Variants in NOTCH2NLA observed in about 807,000 individuals in gnomAD.
The protein encoded by NOTCH2NLA is notch homolog 2 N-terminal-like protein A.
In NOTCH2NLA at chr1:146,180,319, A is replaced by G. The variant is rs79778370; in HGVS notation, c.38+8981T>C. On this transcript the variant is annotated intron_variant, in intron 2 of 4. Coordinates refer to ENST00000362074, the Ensembl canonical transcript of NOTCH2NLA. ...TAGAATGCTATAGTTGAATGTGTTC[A>G]CTGAATAATATCACCCATCACTTAA... 4.9e-5 allele frequency among the ~76,000 whole-genome samples: 7 copies of G among 142,842 alleles called. 1 individual carries two copies. The highest frequency in any genetic ancestry group is 2.1e-4 in the South Asian group (1 of 4,662). 93.7% of individuals were successfully genotyped at this position (142,842 alleles called of 152,430 possible).
At chr1:146,185,563 T>C (rs1662718030) in intron 2 of NOTCH2NLA, among the ~76,000 whole-genome samples, 1 of 136,232 alleles carries the variant, frequency 7.3e-6, no homozygotes, top group African/African-American at 2.5e-5. Context: ...ACAAAACTAA[T>C]CTTCAAAAGT....
intron 2 of NOTCH2NLA, among the ~76,000 whole-genome samples, chr1:146,185,057 A>C (rs1553810028): frequency 1.4e-5 from 2 of 140,654 alleles, no homozygotes; most frequent in African/African-American, 2.4e-5. Flanking sequence ...AAGGGAAGTC[A>C]TACCCATGGT....
chr1:146,159,447 G>GAAAGAAAGAAAGAAAGAGAA, intron 3 of NOTCH2NLA, among the ~76,000 whole-genome samples: 1 of 135,910 alleles, frequency 7.4e-6, no homozygotes, highest in African/African-American at 2.6e-5. Flanking sequence ...AAGAAAGAAA[G>GAAAGAAAGAAAGAAAGAGAA]AGAAAGAAAG....
At chr1:146,204,223 GT>G (rs1451635922) in intron 1 of NOTCH2NLA, among the ~76,000 whole-genome samples, 1 of 80,114 alleles carries the variant, frequency 1.2e-5, no homozygotes, top group African/African-American at 5.6e-5. Context: ...AAGAACAGCT[GT>G]CTTTGCTCAG....
At chr1:146,161,936 G>C (rs1270898980) in intron 3 of NOTCH2NLA, among the ~76,000 whole-genome samples, 2 of 99,556 alleles carry the variant, frequency 2.0e-5, no homozygotes, top group African/African-American at 1.1e-4. Context: ...CAAATGGTTT[G>C]GGCCTCTCCA....
chr1:146,180,438 G>A lies in NOTCH2NLA; in HGVS notation c.38+8862C>T, dbSNP rs1388709678. On this transcript the variant is annotated intron_variant, in intron 2 of 4. Coordinates refer to ENST00000362074, the Ensembl canonical transcript of NOTCH2NLA. ...AGACTGTTTAGGAGAAGAGCATTTTGAGCAGAAATTAACTGCATTACTTTT... is the reference window on the plus strand; with the variant it reads ...AGACTGTTTAGGAGAAGAGCATTTTAAGCAGAAATTAACTGCATTACTTTT... 1.9e-4 allele frequency among the ~76,000 whole-genome samples: 27 copies of A among 140,668 alleles called. 3 individuals carry two copies. The highest frequency in any genetic ancestry group is 2.8e-4 in the Non-Finnish European group (17 of 61,474). The allele number at this position is 140,668 out of a possible 152,430, so 92.3% of individuals were successfully genotyped here.
chr1:146,174,797 G>T (rs1246564033), intron 2 of NOTCH2NLA, among the ~76,000 whole-genome samples: 1 of 140,062 alleles, frequency 7.1e-6, no homozygotes, highest in South Asian at 2.2e-4. Flanking sequence ...GGTAAATGAG[G>T]TAAGGGCAGG....
At chr1:146,186,424 G>T (rs1164739426) in intron 2 of NOTCH2NLA, among the ~76,000 whole-genome samples, 6 of 141,276 alleles carry the variant, frequency 4.2e-5, no homozygotes, top group African/African-American at 1.3e-4. Context: ...GTGCAATCTT[G>T]GCTCACTGCA....
rs587702357 is a variant in NOTCH2NLA at position 146,180,278 on chromosome 1, A to G, written c.38+9022T>C. Among the ~76,000 whole-genome samples, 5 of 143,154 alleles carry G rather than the reference A, an allele frequency of 3.5e-5. 1 individual carries two copies. The highest frequency in any genetic ancestry group is 2.8e-4 in the Admixed American group (4 of 14,044). 93.9% of individuals were successfully genotyped at this position (143,154 alleles called of 152,430 possible). On this transcript the variant is annotated intron_variant, in intron 2 of 4. Transcript: ENST00000362074. Reference sequence around the variant, plus strand: ...CTACCTTTCTCCTCATATTTACGTGAAGGCAAAAAACTGGATAGAATGCTA... The same window carrying G: ...CTACCTTTCTCCTCATATTTACGTGGAGGCAAAAAACTGGATAGAATGCTA...
chr1:146,196,142 GAAC>G (rs1663161677), intron 1 of NOTCH2NLA, among the ~76,000 whole-genome samples: 1 of 96,436 alleles, frequency 1.0e-5, no homozygotes, highest in South Asian at 3.6e-4. Context: ...GCCAACAACA[GAAC>G]AAGCTGCCAT....
chr1:146,185,163 T>C (rs587675293), intron 2 of NOTCH2NLA, among the ~76,000 whole-genome samples: 1 of 136,870 alleles, frequency 7.3e-6, no homozygotes. Context: ...CTACAATAAA[T>C]GTCCTTAAAA....
intron 2 of NOTCH2NLA, among the ~76,000 whole-genome samples, chr1:146,186,275 A>G (rs1169298316): frequency 1.0e-4 from 14 of 134,436 alleles, no homozygotes; most frequent in African/African-American, 3.5e-4. Flanking sequence ...TGAGGGACAT[A>G]CCCAGAACTG....
downstream of NOTCH2NLA, among the ~76,000 whole-genome samples, chr1:146,151,330 A>AG (rs1274775834): frequency 1.8e-5 from 1 of 54,674 alleles, no homozygotes; most frequent in Non-Finnish European, 2.9e-5. Context: ...AAAAAAAAAA[A>AG]AAAAAAAAGA....
intron 1 of NOTCH2NLA, among the ~76,000 whole-genome samples, chr1:146,228,222 C>T (rs1553820203): frequency 6.7e-6 from 1 of 149,704 alleles, no homozygotes; most frequent in Non-Finnish European, 1.5e-5. Flanking sequence ...CTGGCAAAGG[C>T]GAGGCTGGCT....
chr1:146,199,050 TG>T (rs1663308205), intron 1 of NOTCH2NLA, among the ~76,000 whole-genome samples: 1 of 80,850 alleles, frequency 1.2e-5, no homozygotes, highest in Non-Finnish European at 2.6e-5. Flanking sequence ...ATTACAGGCG[TG>T]AGCCACCGCG....
intron 2 of NOTCH2NLA, among the ~76,000 whole-genome samples, chr1:146,185,649 A>G (rs1662721572): frequency 7.6e-6 from 1 of 131,260 alleles, no homozygotes; most frequent in African/African-American, 2.5e-5. Flanking sequence ...ATTTTAGCTG[A>G]ATCAGTAGCA....
At chr1:146,178,249 AC>A (rs1258130384) in intron 2 of NOTCH2NLA, among the ~76,000 whole-genome samples, 1 of 127,618 alleles carries the variant, frequency 7.8e-6, no homozygotes. Flanking sequence ...ATGGAATCTG[AC>A]CTGCTGATTA....
At chr1:146,227,811 C>T (rs200003874) in intron 1 of NOTCH2NLA, among the ~76,000 whole-genome samples, 10 of 1,400 alleles carry the variant, frequency 7.1e-3, no homozygotes, top group South Asian at 0.02. Flanking sequence ...CATCCAACCA[C>T]AAAGAAGCTT....
chr1:146,162,266 C>T (rs1278840842), intron 3 of NOTCH2NLA, among the ~76,000 whole-genome samples: 43 of 145,886 alleles, frequency 2.9e-4, no homozygotes, highest in Non-Finnish European at 5.6e-4. Context: ...AGTGTGTTTC[C>T]GGATGTATGA....
Sources: gnomAD v4.1 joint callset for allele counts (sites outside exome capture counted in the v4.1 genomes callset) on GRCh38, gnomAD v4.1.1 for gene constraint, MANE v1.5 for transcripts, NCBI Gene and HGNC (gene_info 2026-07-23, HGNC 2026-07-21) for gene names.